The following PREP variants were observed in gnomAD, a reference collection of about 807,000 sequenced individuals.
The protein encoded by PREP is prolyl endopeptidase.
PREP carries 29 observed loss-of-function variants against 87.6 expected under a neutral mutation model. That is an observed-to-expected ratio of 0.33 (90% confidence interval 0.25 to 0.45). The LOEUF (loss-of-function observed/expected upper bound fraction) is 0.45. PREP is among the 20% of genes least tolerant of loss of function. PREP has a pLI of 1.00. For missense variants in PREP, 695 were observed against 886.5 expected (o/e 0.78, Z 2.74); for synonymous variants, 337 against 328.6 (o/e 1.03, Z -0.28).
At chr6:105,332,691 T>C (rs1468086248) in intron 8 of PREP, among the ~76,000 whole-genome samples, 1 of 152,142 alleles carries the variant, frequency 6.6e-6, no homozygotes, top group Admixed American at 6.5e-5. Flanking sequence ...TTTCATGCAA[T>C]AAATAATTTA....
rs1770567495 is a variant in PREP, at chr6:105,302,770, G to C, written c.1318-13876C>G. 8.1e-6 allele frequency: 4 copies of C among 491,230 alleles called. 1 individual carries two copies. The highest frequency in any genetic ancestry group is 3.2e-5 in the South Asian group (2 of 62,346). The allele number at this position is 491,230 out of a possible 1,614,324, so 30.4% of individuals were successfully genotyped here. A position where few individuals can be genotyped will look rare whatever the true frequency, so the allele number is the denominator to read the frequency against. On this transcript the variant is annotated intron_variant, in intron 10 of 14. Coordinates refer to ENST00000652536, the MANE Select transcript of PREP (RefSeq NM_002726.5). ...CCACCTTCAGGTCGTCCAGCTGTTT[G>C]AGCAGCAACTCTTTCTCCTTCCCGT... is the stretch of plus-strand genomic sequence containing the variant.
At chr6:105,394,413 T>A (rs1773236596) in intron 2 of PREP, among the ~76,000 whole-genome samples, 1 of 152,192 alleles carries the variant, frequency 6.6e-6, no homozygotes. Flanking sequence ...TGATTATGTA[T>A]CTAGAAAACC....
chr6:105,377,430 T>C lies in PREP; in HGVS notation c.210A>G (p.Leu70=), dbSNP rs769425412. Residue 70 remains leucine (L), a synonymous_variant, in exon 3 of 15, where the codon CTA becomes CTG. Transcript: ENST00000652536. ...GGCAACTATACTTGGGATAATCATA[T>C]AGTTCAGTCATTCTCTCTTTGTATA... The part of the protein sequence containing the change: ...RGLYKERMTE[L]YDYPKYSCHF... 9.3e-6 allele frequency: 15 copies of C among 1,613,622 alleles called. No individual in the cohort carries two copies. The highest frequency in any genetic ancestry group is 1.3e-5 in the Non-Finnish European group (15 of 1,179,728).
intron 10 of PREP, among the ~76,000 whole-genome samples, chr6:105,292,080 C>G (rs1023297038): frequency 1.3e-5 from 2 of 152,090 alleles, no homozygotes; most frequent in African/African-American, 2.4e-5. Flanking sequence ...AATCTTGAAC[C>G]CTTCAGAATC....
At chr6:105,382,794 C>T (rs977430867) in intron 2 of PREP, among the ~76,000 whole-genome samples, 4 of 152,142 alleles carry the variant, frequency 2.6e-5, no homozygotes, top group African/African-American at 7.2e-5. Context: ...CTGGCTCAGG[C>T]CCGGGTATCA....
Position 105,277,578 on chromosome 6 carries a change from T to G in PREP, c.*566A>C, listed in dbSNP as rs934342498. On this transcript the variant is annotated 3_prime_UTR_variant, in exon 15 of 15. Transcript: ENST00000652536. ...AGGGAGACAGAGTGGATGAACAACT[T>G]ATTTTCAAAGCTAACAAACATTCTA... The G allele has an allele frequency of 1.3e-5, 2 of 153,056 alleles. No homozygotes were observed. The highest frequency in any genetic ancestry group is 4.9e-5 in the African/African-American group (2 of 41,058). The allele number at this position is 153,056 out of a possible 1,614,324, so 9.5% of individuals were successfully genotyped here.
At chr6:105,343,492 A>G (rs1320124001) in intron 7 of PREP, among the ~76,000 whole-genome samples, 3 of 152,248 alleles carry the variant, frequency 2.0e-5, no homozygotes, top group Non-Finnish European at 4.4e-5. Flanking sequence ...CTAAAGCACG[A>G]AAAGCAATGC....
intron 10 of PREP, among the ~76,000 whole-genome samples, chr6:105,308,972 T>C (rs942775886): frequency 6.6e-6 from 1 of 151,698 alleles, no homozygotes; most frequent in African/African-American, 2.4e-5. Flanking sequence ...CTCTGTATAG[T>C]AGAGGATGGA....
intron 10 of PREP, among the ~76,000 whole-genome samples, chr6:105,317,970 T>C (rs2114640893): frequency 1.3e-5 from 2 of 152,310 alleles, no homozygotes; most frequent in East Asian, 3.9e-4. Context: ...GAAAATTCTA[T>C]TTTTTAGGAG....
rs6910088 is a variant in PREP, at chr6:105,397,815, A to T, written c.120+38T>A. On this transcript the variant is annotated intron_variant, in intron 2 of 14. Coordinates refer to ENST00000652536, the MANE Select transcript of PREP (RefSeq NM_002726.5). ...TGACATTTAGAGTTTGGTGCTAGCT[A>T]CTAAGGCTGCCTTATCTTTAATTAG... The T allele has an allele frequency of 5.8e-4, 853 of 1,479,358 alleles. 4 individuals are homozygous for T. The African/African-American group carries it at 0.01, about 18-fold the overall frequency. 91.6% of individuals were successfully genotyped at this position (1,479,358 alleles called of 1,614,324 possible).
At chr6:105,380,045 A>G (rs930143588) in intron 2 of PREP, among the ~76,000 whole-genome samples, 5 of 152,236 alleles carry the variant, frequency 3.3e-5, no homozygotes, top group African/African-American at 1.2e-4. Flanking sequence ...TTACTATGGC[A>G]TCTTCATTAT....
intron 6 of PREP, among the ~76,000 whole-genome samples, chr6:105,360,926 T>TAC (rs35830306): frequency 0.058 from 8,850 of 152,200 alleles, 257 homozygotes; most frequent in Middle Eastern, 0.12. Context: ...TTGAAGGCTT[T>TAC]ACACACACAC....
chr6:105,362,852 A>G (rs1302605975), intron 6 of PREP, among the ~76,000 whole-genome samples: 2 of 152,174 alleles, frequency 1.3e-5, no homozygotes, highest in African/African-American at 4.8e-5. Context: ...AAAACAGCCA[A>G]CCAGCAAGGG....
chr6:105,380,806 C>T (rs1440305455), intron 2 of PREP, among the ~76,000 whole-genome samples: 1 of 152,092 alleles, frequency 6.6e-6, no homozygotes, highest in Non-Finnish European at 1.5e-5. Context: ...ATGTCATTTC[C>T]CTGATCCTTC....
intron 10 of PREP, among the ~76,000 whole-genome samples, chr6:105,319,860 T>C (rs900849395): frequency 6.6e-6 from 1 of 152,222 alleles, no homozygotes; most frequent in African/African-American, 2.4e-5. Context: ...CTTGGGTTCT[T>C]CAATCTTTTC....
chr6:105,283,987 G>T (rs537989592), intron 12 of PREP, among the ~76,000 whole-genome samples: 1 of 152,140 alleles, frequency 6.6e-6, no homozygotes, highest in South Asian at 2.1e-4. Flanking sequence ...CATGAGTAGG[G>T]GGTATGGTGC....
At position 105,402,865 on chromosome 6, in the gene PREP, C is replaced by T; in HGVS notation, c.27G>A (p.Val9=). The T allele has an allele frequency of 7.1e-6, 11 of 1,545,434 alleles. No homozygotes were observed. Among genetic ancestry groups the T allele is most frequent in the East Asian group, 2.4e-5 (1 of 41,836 alleles). MLSLQYPD[V]YRDETAVQDY... is the part of the protein sequence containing the mutation. Reference sequence around the variant, plus strand: ...TACTTACGGCGGTCTCGTCGCGGTACACGTCGGGGTACTGAAGGGACAGCA... The same window carrying T: ...TACTTACGGCGGTCTCGTCGCGGTATACGTCGGGGTACTGAAGGGACAGCA... The change falls in exon 1 of 15, where the codon GTG becomes GTA. Residue 9 remains valine (V), a synonymous_variant. Coordinates refer to ENST00000652536, the MANE Select transcript of PREP (RefSeq NM_002726.5).
intron 10 of PREP, among the ~76,000 whole-genome samples, chr6:105,306,592 T>A (rs1011192094): frequency 2.0e-5 from 3 of 152,120 alleles, no homozygotes; most frequent in Middle Eastern, 3.4e-3. Context: ...TACCACACCA[T>A]CCTCCTTGAA....
chr6:105,385,004 T>C (rs1177662794), intron 2 of PREP, among the ~76,000 whole-genome samples: 2 of 152,022 alleles, frequency 1.3e-5, no homozygotes, highest in Non-Finnish European at 2.9e-5. Context: ...CAGGTACCAG[T>C]AATAAAGTGT....
Sources: gnomAD v4.1 joint callset for allele counts (sites outside exome capture counted in the v4.1 genomes callset) on GRCh38, gnomAD v4.1.1 for gene constraint, MANE v1.5 for transcripts, NCBI Gene and HGNC (gene_info 2026-07-23, HGNC 2026-07-21) for gene names.